ATP2B4: variants seen among roughly 807,000 people sequenced by gnomAD.
The protein encoded by ATP2B4 is plasma membrane calcium-transporting ATPase 4.
ATP2B4 carries 39 observed loss-of-function variants against 110.3 expected under a neutral mutation model. The observed-to-expected ratio is 0.35, with a 90% CI of 0.27 to 0.46. The LOEUF (loss-of-function observed/expected upper bound fraction) is 0.46, where lower values mean the gene tolerates loss of function less well. ATP2B4 is among the 20% of genes least tolerant of loss of function. The pLI, the probability that ATP2B4 is intolerant of heterozygous loss-of-function variation, is 1.00. For missense variants in ATP2B4, 1,135 were observed against 1,530.9 expected (o/e 0.74, Z 4.32); for synonymous variants, 538 against 571.7 (o/e 0.94, Z 0.84).
chr1:203,688,929 T>C (rs1041757493), intron 2 of ATP2B4, among the ~76,000 whole-genome samples: 1 of 152,046 alleles, frequency 6.6e-6, no homozygotes, highest in Non-Finnish European at 1.5e-5. Flanking sequence ...CAAGCTGTGT[T>C]GCCTTGGGTT....
rs1433684093 is a variant in ATP2B4 at position 203,716,855 on chromosome 1, G to A, written c.2406+2578G>A. ...TAGACCCTTTCTTTCATTGAGGGCTGCAAAATGACAATATTGTAATTCTTT... is the reference window on the plus strand; with the variant it reads ...TAGACCCTTTCTTTCATTGAGGGCTACAAAATGACAATATTGTAATTCTTT... On this transcript the variant is annotated intron_variant, in intron 15 of 20. Transcript: ENST00000357681. Among the ~76,000 whole-genome samples the A allele has an allele frequency of 2.1e-5, 3 of 144,980 alleles. 1 individual carries two copies. Among genetic ancestry groups the A allele is most frequent in the Non-Finnish European group, 4.6e-5 (3 of 65,124 alleles).
chr1:203,644,879 C>G (rs139415055), intron 1 of ATP2B4, among the ~76,000 whole-genome samples: 1 of 152,158 alleles, frequency 6.6e-6, no homozygotes, highest in Admixed American at 6.5e-5. Flanking sequence ...GGAGCTTGTG[C>G]GGCTCCCTGC....
At position 203,723,859 on chromosome 1, in the gene ATP2B4, G is replaced by A; in HGVS notation, c.3025-22G>A. The A allele has an allele frequency of 1.9e-6, 3 of 1,572,614 alleles. No individual in the cohort carries two copies. In the South Asian group the frequency reaches 3.5e-5, roughly 18 times the overall value. On this transcript the variant is annotated intron_variant, in intron 18 of 20. Coordinates refer to ENST00000357681, the MANE Select transcript of ATP2B4 (RefSeq NM_001684.5). Reference sequence around the variant, plus strand: ...CTGTTAGTCATTTCCTTGATGGTGGGCTGCCCCTTTCTCTGTTCTAGATTT... The same window carrying A: ...CTGTTAGTCATTTCCTTGATGGTGGACTGCCCCTTTCTCTGTTCTAGATTT...
chr1:203,671,100 G>A (rs1664647434), intron 1 of ATP2B4, among the ~76,000 whole-genome samples: 2 of 152,244 alleles, frequency 1.3e-5, no homozygotes, highest in Non-Finnish European at 2.9e-5. Context: ...ATAAGGTGGG[G>A]AGAAGGGGTT....
intron 20 of ATP2B4, chr1:203,728,078 C>A: frequency 2.6e-6 from 1 of 381,716 alleles, no homozygotes; most frequent in Admixed American, 3.8e-5. Flanking sequence ...CTCCCCCATT[C>A]AAAGTGTAAG....
rs60841821 is a variant in ATP2B4, at chr1:203,719,225, G to GAAAAAAAAAAAAAAAAA, written c.2407-1320_2407-1304dup. On this transcript the variant is annotated intron_variant, in intron 15 of 20. Transcript: ENST00000357681. ...AGATGACAGAGCAAGACCCTGTCTC[G>GAAAAAAAAAAAAAAAAA]AAAAAAAAAAAAAAAAAAAAGCAAG... Among the ~76,000 whole-genome samples the GAAAAAAAAAAAAAAAAA allele has an allele frequency of 1.3e-4, 7 of 54,410 alleles. 1 individual carries two copies. Among genetic ancestry groups the GAAAAAAAAAAAAAAAAA allele is most frequent in the African/African-American group, 5.3e-4 (7 of 13,316 alleles). The allele number at this position is 54,410 out of a possible 152,430, so 35.7% of individuals were successfully genotyped here.
chr1:203,692,768 G>A (rs1480548068), intron 2 of ATP2B4, among the ~76,000 whole-genome samples: 1 of 152,202 alleles, frequency 6.6e-6, no homozygotes, highest in African/African-American at 2.4e-5. Flanking sequence ...TGAGGGTTGG[G>A]CTGCATTTCT....
In ATP2B4 at chr1:203,711,088, G is replaced by A; in HGVS notation, c.2011G>A (p.Glu671Lys). The A allele has an allele frequency of 1.9e-6, 3 of 1,614,064 alleles. No individual in the cohort carries two copies. The highest frequency in any genetic ancestry group is 1.1e-5 in the South Asian group (1 of 91,046). The part of the protein sequence containing the change: ...ELTCIAVVGI[E>K]DPVRPEVPDA... ...GACCTGTATCGCGGTGGTGGGCATTGAGGACCCTGTGCGCCCAGAGGTGAG... is the reference window on the plus strand; with the variant it reads ...GACCTGTATCGCGGTGGTGGGCATTAAGGACCCTGTGCGCCCAGAGGTGAG... The change falls in exon 12 of 21, where the codon GAG becomes AAG. Residue 671 changes from glutamate (E) to lysine (K), a missense_variant. By Grantham distance (56) the Glu-to-Lys change is moderately conservative. Coordinates refer to ENST00000357681, the MANE Select transcript of ATP2B4 (RefSeq NM_001684.5).
At chr1:203,686,779 C>T (rs756260117) in intron 2 of ATP2B4, among the ~76,000 whole-genome samples, 4 of 139,798 alleles carry the variant, frequency 2.9e-5, no homozygotes, top group Non-Finnish European at 4.6e-5. Context: ...CTACAACCTC[C>T]GCCTCCTGGG....
In ATP2B4 at chr1:203,713,215, G is replaced by A. The variant is rs750641764; in HGVS notation, c.2262G>A (p.Ala754=). The change falls in exon 14 of 21, where the codon GCG becomes GCA. Residue 754 remains alanine, a synonymous_variant. Coordinates refer to ENST00000357681, the MANE Select transcript of ATP2B4 (RefSeq NM_001684.5). The stretch of plus-strand genomic sequence containing the variant: ...TCTGGCCTAAGCTTCGGGTCCTGGC[G>A]CGATCTTCTCCCACTGACAAGCACA... ...DKIWPKLRVL[A]RSSPTDKHTL... 33 of 1,614,044 alleles carry A rather than the reference G, an allele frequency of 2.0e-5. No homozygotes were observed. Among genetic ancestry groups the A allele is most frequent in the Admixed American group, 1.0e-4 (6 of 59,992 alleles).
intron 7 of ATP2B4, among the ~76,000 whole-genome samples, chr1:203,702,369 C>G (rs1198819461): frequency 6.6e-6 from 1 of 152,134 alleles, no homozygotes; most frequent in African/African-American, 2.4e-5. Context: ...GAGCTGAACT[C>G]TGCTTCATTG....
At chr1:203,630,064 T>A (rs4951276) in intron 1 of ATP2B4, among the ~76,000 whole-genome samples, 26,055 of 152,048 alleles carry the variant, frequency 0.17, 2,782 homozygotes, top group East Asian at 0.36. Context: ...GTGGTCTTTG[T>A]CAGAAGAAAA....
At chr1:203,640,023 C>T (rs1429329821) in intron 1 of ATP2B4, among the ~76,000 whole-genome samples, 1 of 152,160 alleles carries the variant, frequency 6.6e-6, no homozygotes, top group Non-Finnish European at 1.5e-5. Flanking sequence ...CTGAGTTTTG[C>T]CCTCTTTAAA....
chr1:203,730,046 T>A (rs12095268), intron 20 of ATP2B4, among the ~76,000 whole-genome samples: 33,295 of 151,886 alleles, frequency 0.22, 4,006 homozygotes, highest in East Asian at 0.32. Flanking sequence ...CAGAAAAGCT[T>A]GAAGGTCTCT....
intron 20 of ATP2B4, among the ~76,000 whole-genome samples, chr1:203,737,203 A>C (rs1272406424): frequency 6.6e-6 from 1 of 152,152 alleles, no homozygotes; most frequent in African/African-American, 2.4e-5. Context: ...CTCCAACCCC[A>C]GTTGTTACAA....
intron 2 of ATP2B4, among the ~76,000 whole-genome samples, chr1:203,686,689 T>C (rs4951376): frequency 2.6e-5 from 3 of 115,132 alleles, no homozygotes; most frequent in South Asian, 3.3e-4. Context: ...TTCTTTCTTT[T>C]TTTTTTTTTT....
At chr1:203,638,049 C>G (rs894085386) in intron 1 of ATP2B4, among the ~76,000 whole-genome samples, 1 of 151,356 alleles carries the variant, frequency 6.6e-6, no homozygotes, top group African/African-American at 2.4e-5. Flanking sequence ...TGGCAGGGCT[C>G]AACTGGAAAT....
At chr1:203,671,545 G>C (rs1213477445) in intron 1 of ATP2B4, among the ~76,000 whole-genome samples, 2 of 152,040 alleles carry the variant, frequency 1.3e-5, no homozygotes, top group Non-Finnish European at 2.9e-5. Context: ...CAAGGCAGAG[G>C]GCCATAGTAC....
intron 16 of ATP2B4, 130 bp downstream of exon 16, chr1:203,720,870 C>A: frequency 8.8e-7 from 1 of 1,138,634 alleles, no homozygotes; most frequent in Non-Finnish European, 1.2e-6. Flanking sequence ...CAGGAGTTAG[C>A]TCTTCTAAGT....
Sources: allele counts gnomAD v4.1 joint callset (sites outside exome capture counted in the v4.1 genomes callset), GRCh38; gene constraint gnomAD v4.1.1; transcripts MANE v1.5; gene names NCBI Gene and HGNC (gene_info 2026-07-23, HGNC 2026-07-21).